The following RASAL2 variants were observed in gnomAD, a reference collection of about 807,000 sequenced individuals.
RASAL2 encodes the protein ras GTPase-activating protein nGAP.
RASAL2 carries 58 observed loss-of-function variants against 128.9 expected under a neutral mutation model. The ratio of observed to expected loss-of-function variants is 0.45; its 90% CI spans 0.36 to 0.56. The LOEUF is 0.56. RASAL2 is among the 20% of genes least tolerant of loss of function. The pLI is 0.00. For synonymous variants in RASAL2, 561 were observed against 580.8 expected, an observed-to-expected ratio of 0.97 and a Z score of 0.49; for missense variants, 1,360 against 1,601.6, an observed-to-expected ratio of 0.85 and a Z score of 2.57.
chr1:178,434,006 T>C (rs1676096058), intron 5 of RASAL2, among the ~76,000 whole-genome samples: 1 of 152,082 alleles, frequency 6.6e-6, no homozygotes, highest in South Asian at 2.1e-4. Context: ...ATTATGAGAC[T>C]AAAAGTCTAG....
At chr1:178,336,835 A>G (rs1157626494) in intron 3 of RASAL2, among the ~76,000 whole-genome samples, 1 of 152,058 alleles carries the variant, frequency 6.6e-6, no homozygotes, top group African/African-American at 2.4e-5. Context: ...TTGTTTATTC[A>G]TGAATTTTTT....
At chr1:178,176,650 G>GAC (rs1258006136) in intron 1 of RASAL2, among the ~76,000 whole-genome samples, 1 of 149,848 alleles carries the variant, frequency 6.7e-6, no homozygotes, top group African/African-American at 2.5e-5. Flanking sequence ...GAGAGAGAGA[G>GAC]AGACAGACAG....
intron 3 of RASAL2, among the ~76,000 whole-genome samples, chr1:178,347,163 T>C (rs1670194148): frequency 6.6e-6 from 1 of 152,196 alleles, no homozygotes; most frequent in African/African-American, 2.4e-5. Context: ...ATTTTAATTA[T>C]CAAGAAATAG....
rs141835810 is a variant in RASAL2, at chr1:178,227,760, A to T, written c.203-55804A>T. 4.1e-3 allele frequency among the ~76,000 whole-genome samples: 630 copies of T among 152,346 alleles called. 3 individuals carry two copies. The highest frequency in any genetic ancestry group is 0.014 in the African/African-American group (574 of 41,572). ...TTCTTAAAGCTGTGCTTTAAATGTT[A>T]TAAATTGTTGTTTAAAAAATGTAAA... On this transcript the variant is annotated intron_variant, in intron 1 of 17. Coordinates refer to ENST00000367649, the MANE Select transcript of RASAL2 (RefSeq NM_170692.4).
At chr1:178,147,883 AACATGGTGAAAACCTGCTTCC>A (rs1660784386) in intron 1 of RASAL2, among the ~76,000 whole-genome samples, 1 of 152,132 alleles carries the variant, frequency 6.6e-6, no homozygotes, top group South Asian at 2.1e-4. Context: ...CAGGCTGGCC[AACATGGTGAAAACCTGCTTCC>A]ACTAAAAATA....
intron 1 of RASAL2, among the ~76,000 whole-genome samples, chr1:178,233,515 G>A (rs1664097777): frequency 6.6e-6 from 1 of 152,184 alleles, no homozygotes; most frequent in South Asian, 2.1e-4. Flanking sequence ...AGGTGGAAAG[G>A]GAACAAAAGG....
chr1:178,437,582 C>T (rs982821285), intron 5 of RASAL2, among the ~76,000 whole-genome samples: 2 of 152,028 alleles, frequency 1.3e-5, no homozygotes, highest in Non-Finnish European at 2.9e-5. Flanking sequence ...TTAAACATGC[C>T]TTAATCTTTC....
chr1:178,340,187 T>A (rs1474214028), intron 3 of RASAL2, among the ~76,000 whole-genome samples: 1 of 152,136 alleles, frequency 6.6e-6, no homozygotes, highest in Non-Finnish European at 1.5e-5. Context: ...TAAATATAAA[T>A]GGGTAGATAG....
In RASAL2 at chr1:178,223,178, G is replaced by A. The variant is rs574825115; in HGVS notation, c.203-60386G>A. On this transcript the variant is annotated intron_variant, in intron 1 of 17. Coordinates refer to ENST00000367649, the MANE Select transcript of RASAL2 (RefSeq NM_170692.4). ...TGTGCTTACAATTTGCTAAGCACTT[G>A]AGACACTATGGAGAATCAAAACAAA... Among the ~76,000 whole-genome samples, 3 of 152,216 alleles carry A rather than the reference G, an allele frequency of 2.0e-5. No individual in the cohort carries two copies. The South Asian group carries it at 6.2e-4, about 32-fold the overall frequency.
intron 1 of RASAL2, among the ~76,000 whole-genome samples, chr1:178,247,876 G>GT (rs1664847657): frequency 6.6e-6 from 1 of 152,202 alleles, no homozygotes. Flanking sequence ...TAGTTGTGTG[G>GT]TTTTGAGTGA....
chr1:178,287,078 A>G lies in RASAL2; in HGVS notation c.330+3387A>G, dbSNP rs553702887. On this transcript the variant is annotated intron_variant, in intron 2 of 17. Coordinates refer to ENST00000367649, the MANE Select transcript of RASAL2 (RefSeq NM_170692.4). ...ATGTCCTCTCTCTCCCCTGAGTTCC[A>G]TGGTCAGTCATTCTCATCACTCCTT... Among the ~76,000 whole-genome samples the G allele has an allele frequency of 2.0e-5, 3 of 151,902 alleles. No individual in the cohort carries two copies. In the East Asian group the frequency reaches 5.8e-4, roughly 29 times the overall value.
intron 1 of RASAL2, among the ~76,000 whole-genome samples, chr1:178,213,786 A>AG (rs931589100): frequency 4.0e-5 from 6 of 151,892 alleles, no homozygotes; most frequent in Admixed American, 2.0e-4. Context: ...AAAGAGTATG[A>AG]GGGAACCTTC....
chr1:178,457,828 C>T lies in RASAL2; in HGVS notation c.2536C>T (p.Arg846Trp), dbSNP rs766087609. 1.2e-5 allele frequency: 19 copies of T among 1,614,054 alleles called. No homozygotes were observed. The highest frequency in any genetic ancestry group is 5.3e-5 in the African/African-American group (4 of 74,912). ...AAGGGAAAGTAGCCTTCCTAATGGTCGGAGCGTCTCCCTCATGGACCTCCA... is the reference window on the plus strand; with the variant it reads ...AAGGGAAAGTAGCCTTCCTAATGGTTGGAGCGTCTCCCTCATGGACCTCCA... ...DERESSLPNG[R>W]SVSLMDLQDT... The change falls in exon 14 of 18, where the codon CGG becomes TGG. Residue 846 changes from arginine to tryptophan, a missense_variant. This residue lies in a region of RASAL2 where 741 missense variants were observed against 868.6 expected (regional missense o/e 0.85). Transcript: ENST00000367649.
At chr1:178,264,678 G>A (rs1027365418) in intron 1 of RASAL2, among the ~76,000 whole-genome samples, 5 of 152,184 alleles carry the variant, frequency 3.3e-5, no homozygotes, top group Admixed American at 6.5e-5. Context: ...TGTCCCTATG[G>A]AGTTTTAGGG....
chr1:178,270,117 T>C (rs1447052877), intron 1 of RASAL2, among the ~76,000 whole-genome samples: 2 of 152,224 alleles, frequency 1.3e-5, no homozygotes, highest in Non-Finnish European at 2.9e-5. Context: ...CAAATTCCTG[T>C]GTTGCTTTTG....
At chr1:178,253,444 C>T (rs902210888) in intron 1 of RASAL2, among the ~76,000 whole-genome samples, 1 of 152,068 alleles carries the variant, frequency 6.6e-6, no homozygotes, top group Non-Finnish European at 1.5e-5. Context: ...GCAAAAGTGT[C>T]CCTATATTTG....
At chr1:178,185,233 G>A (rs1662249994) in intron 1 of RASAL2, among the ~76,000 whole-genome samples, 1 of 151,202 alleles carries the variant, frequency 6.6e-6, no homozygotes, top group South Asian at 2.1e-4. Context: ...GGTTCCGAGA[G>A]GTTTTTAGTA....
At chr1:178,254,740 A>C (rs1665240615) in intron 1 of RASAL2, among the ~76,000 whole-genome samples, 1 of 152,212 alleles carries the variant, frequency 6.6e-6, no homozygotes, top group African/African-American at 2.4e-5. Flanking sequence ...GAGAGAAAGA[A>C]ACAGAAAAAT....
chr1:178,166,044 A>C (rs557631230), intron 1 of RASAL2, among the ~76,000 whole-genome samples: 11 of 152,262 alleles, frequency 7.2e-5, no homozygotes, highest in African/African-American at 2.6e-4. Flanking sequence ...GGTATCAGCA[A>C]ACCCAGTTTC....
Sources: gnomAD v4.1 joint callset for allele counts (sites outside exome capture counted in the v4.1 genomes callset) on GRCh38, gnomAD v4.1.1 for gene constraint, gnomAD v4.1.1 regional missense constraint, MANE v1.5 for transcripts, NCBI Gene and HGNC (gene_info 2026-07-23, HGNC 2026-07-21) for gene names.